GABPA: variants seen among roughly 807,000 people sequenced by gnomAD.
GABPA encodes GA binding protein transcription factor subunit alpha.
Under a neutral mutation model 59.4 loss-of-function variants are expected in GABPA, and 4 were observed. That is an observed-to-expected ratio of 0.07 (90% CI 0.03 to 0.15). The LOEUF (loss-of-function observed/expected upper bound fraction) is 0.15, where lower values mean the gene tolerates loss of function less well. GABPA is among the 10% of genes least tolerant of loss of function. The pLI, the probability that GABPA is intolerant of heterozygous loss-of-function variation, is 1.00. For synonymous variants in GABPA, 164 were observed against 183.1 expected, an observed-to-expected ratio of 0.90 and a Z score of 0.84; for missense variants, 251 against 543.8, an observed-to-expected ratio of 0.46 and a Z score of 5.36.
At chr21:25,766,919 TA>T (rs1348574633) in intron 9 of GABPA, among the ~76,000 whole-genome samples, 1 of 151,958 alleles carries the variant, frequency 6.6e-6, no homozygotes, top group African/African-American at 2.4e-5. Context: ...GGTATATTCA[TA>T]CAAGAATACC....
rs1470907422 is a variant in GABPA, at chr21:25,771,633, A to T, written c.*2401A>T. On this transcript the variant is annotated 3_prime_UTR_variant, in exon 10 of 10. Coordinates refer to ENST00000400075, the MANE Select transcript of GABPA (RefSeq NM_002040.4). ...AACATTGTGAAAGAAAATAAAATTT[A>T]TGCTATTCTTTGCTTTGTTTTTATA... The T allele has an allele frequency of 1.3e-5, 2 of 151,852 alleles. No homozygotes were observed. The highest frequency in any genetic ancestry group is 2.4e-5 in the African/African-American group (1 of 41,284). The allele number at this position is 151,852 out of a possible 1,614,324, so 9.4% of individuals were successfully genotyped here.
At chr21:25,768,678 T>G (rs1215260698) in intron 9 of GABPA, among the ~76,000 whole-genome samples, 3 of 152,116 alleles carry the variant, frequency 2.0e-5, no homozygotes, top group Non-Finnish European at 4.4e-5. Context: ...TCCAAAGCTC[T>G]TGTTCTTAGG....
intron 2 of GABPA, among the ~76,000 whole-genome samples, chr21:25,743,910 G>T (rs1429230236): frequency 6.6e-6 from 1 of 151,932 alleles, no homozygotes; most frequent in Non-Finnish European, 1.5e-5. Flanking sequence ...TAGGCATGGT[G>T]GCGCATGCCT....
chr21:25,757,099 T>C (rs1043238946), intron 5 of GABPA, among the ~76,000 whole-genome samples: 1 of 152,160 alleles, frequency 6.6e-6, no homozygotes, highest in Non-Finnish European at 1.5e-5. Context: ...GATACCTAAA[T>C]GTTATTTTTT....
intron 1 of GABPA, among the ~76,000 whole-genome samples, chr21:25,737,835 C>CT (rs1340660743): frequency 1.3e-5 from 2 of 152,150 alleles, no homozygotes; most frequent in East Asian, 3.8e-4. Flanking sequence ...CTGATTCTCA[C>CT]TTTTTTCTGT....
At chr21:25,735,986 A>T (rs1271523551) in intron 1 of GABPA, among the ~76,000 whole-genome samples, 1 of 152,162 alleles carries the variant, frequency 6.6e-6, no homozygotes, top group African/African-American at 2.4e-5. Flanking sequence ...ACCCTGTCTC[A>T]TCGCGGGACT....
chr21:25,752,593 C>A (rs570198921), intron 5 of GABPA, among the ~76,000 whole-genome samples: 1 of 152,042 alleles, frequency 6.6e-6, no homozygotes, highest in Admixed American at 6.6e-5. Flanking sequence ...TCATAGTTGC[C>A]CTGAGGGAAA....
chr21:25,741,042 A>G (rs1393374624), intron 1 of GABPA, among the ~76,000 whole-genome samples: 3 of 152,252 alleles, frequency 2.0e-5, no homozygotes, highest in African/African-American at 4.8e-5. Flanking sequence ...AAAACATCTC[A>G]GTAAATCCAG....
chr21:25,743,103 A>G (rs1396167391), intron 2 of GABPA, among the ~76,000 whole-genome samples: 1 of 152,196 alleles, frequency 6.6e-6, no homozygotes, highest in Admixed American at 6.5e-5. Context: ...GTCTGCGTCC[A>G]AAGTCATGCT....
At chr21:25,763,719 G>A (rs933456862) in intron 7 of GABPA, among the ~76,000 whole-genome samples, 2 of 152,070 alleles carry the variant, frequency 1.3e-5, no homozygotes, top group Non-Finnish European at 1.5e-5. Context: ...TTTCACTGCT[G>A]TATCTTTTAA....
At chr21:25,755,231 T>C in intron 5 of GABPA, among the ~76,000 whole-genome samples, 1 of 151,954 alleles carries the variant, frequency 6.6e-6, no homozygotes, top group East Asian at 1.9e-4. Flanking sequence ...AGAGGGTTTC[T>C]TGAGGCCAGG....
At position 25,762,340 on chromosome 21, in the gene GABPA, G is replaced by A. The variant is rs141466398; in HGVS notation, c.777G>A (p.Met259Ile). The A allele has an allele frequency of 5.7e-6, 9 of 1,576,124 alleles. No homozygotes were observed. In the African/African-American group the frequency reaches 1.2e-4, roughly 21 times the overall value. ...TATTGGCAAGTCAAGAACAACAGAT[G>A]AATGAAATAGTTACAATTGATCAAC... ...KYVLASQEQQ[M>I]NEIVTIDQPV... The change falls in exon 7 of 10, where the codon ATG (methionine) becomes ATA (isoleucine). Residue 259 changes from methionine (M) to isoleucine (I), a missense_variant. By Grantham distance (10) the Met-to-Ile change is conservative. Transcript: ENST00000400075.
At position 25,745,183 on chromosome 21, in the gene GABPA, G is replaced by C. The variant is rs1195022659; in HGVS notation, c.78-27G>C. ...GAAATCCAGGGTAAAAAATGTAACTGTTAGCACTTACATCTTTAACATTTA... is the reference window on the plus strand; with the variant it reads ...GAAATCCAGGGTAAAAAATGTAACTCTTAGCACTTACATCTTTAACATTTA... On this transcript the variant is annotated intron_variant, in intron 2 of 9. Transcript: ENST00000400075. 1.9e-6 allele frequency: 3 copies of C among 1,609,012 alleles called. No homozygotes were observed. In the African/African-American group the frequency reaches 4.0e-5, roughly 22 times the overall value.
At chr21:25,739,889 A>C (rs1037979145) in intron 1 of GABPA, among the ~76,000 whole-genome samples, 1 of 152,174 alleles carries the variant, frequency 6.6e-6, no homozygotes, top group Non-Finnish European at 1.5e-5. Context: ...GAGTATTAGG[A>C]TTACAGGCAT....
At chr21:25,746,505 ATAT>A (rs1001804083) in intron 3 of GABPA, among the ~76,000 whole-genome samples, 17 of 152,292 alleles carry the variant, frequency 1.1e-4, no homozygotes, top group South Asian at 6.2e-4. Context: ...TTTTAATAAG[ATAT>A]TGTTGTACAA....
intron 5 of GABPA, among the ~76,000 whole-genome samples, chr21:25,756,297 A>G (rs1007380803): frequency 6.6e-6 from 1 of 152,078 alleles, no homozygotes; most frequent in Admixed American, 6.6e-5. Flanking sequence ...GTTGTTTTCA[A>G]GTAGTATAGT....
Position 25,752,566 on chromosome 21 carries a change from T to C in GABPA, c.553+332T>C, listed in dbSNP as rs986913645. 2.0e-5 allele frequency among the ~76,000 whole-genome samples: 3 copies of C among 152,188 alleles called. No homozygotes were observed. In the East Asian group the frequency reaches 5.8e-4, roughly 29 times the overall value. ...CAGTAACTCTTGTAGAAGTATGCTATTGGAATCTCAAAGAGATCATAGTTG... is the reference window on the plus strand; with the variant it reads ...CAGTAACTCTTGTAGAAGTATGCTACTGGAATCTCAAAGAGATCATAGTTG... On this transcript the variant is annotated intron_variant, in intron 5 of 9. Coordinates refer to ENST00000400075, the MANE Select transcript of GABPA (RefSeq NM_002040.4).
chr21:25,741,750 T>C (rs2035226598), intron 2 of GABPA, 75 bp downstream of exon 2: 4 of 924,574 alleles, frequency 4.3e-6, no homozygotes, highest in Non-Finnish European at 6.8e-6. Flanking sequence ...CAAGTCATAG[T>C]TCTTTTGGAC....
Position 25,755,095 on chromosome 21 carries a change from C to T in GABPA, c.553+2861C>T, listed in dbSNP as rs116636370. The stretch of plus-strand genomic sequence containing the variant: ...TAAATAACTTTAAAGCTAATTAATG[C>T]GAAGTTCTGAAGGATTTGATAACTA... On this transcript the variant is annotated intron_variant, in intron 5 of 9. Coordinates refer to ENST00000400075, the MANE Select transcript of GABPA (RefSeq NM_002040.4). Among the ~76,000 whole-genome samples the T allele has an allele frequency of 4.7e-3, 715 of 151,988 alleles. 4 individuals carry two copies. The highest frequency in any genetic ancestry group is 0.015 in the African/African-American group (635 of 41,474).
Sources: allele counts gnomAD v4.1 joint callset (sites outside exome capture counted in the v4.1 genomes callset), GRCh38; gene constraint gnomAD v4.1.1; transcripts MANE v1.5; gene names NCBI Gene and HGNC (gene_info 2026-07-23, HGNC 2026-07-21).